PYHIN1: variants seen among roughly 807,000 people sequenced by gnomAD.
PYHIN1 encodes pyrin and HIN domain family member 1.
PYHIN1 carries 32 observed loss-of-function variants against 43.7 expected under a neutral mutation model. The ratio of observed to expected loss-of-function variants is 0.73; its 90% CI spans 0.55 to 0.98. PYHIN1 has a LOEUF of 0.98. Among genes scored for constraint, PYHIN1 ranks in the 50% least tolerant of loss-of-function variants. The probability of loss-of-function intolerance (pLI) is 0.00; values close to 1 mark genes in which losing one functional copy is unlikely to be tolerated. For missense variants in PYHIN1, 588 were observed against 589.5 expected (o/e 1.00, Z 0.03); for synonymous variants, 205 against 203.1 (o/e 1.01, Z -0.08).
intron 7 of PYHIN1, among the ~76,000 whole-genome samples, chr1:158,956,355 T>A (rs1649931350): frequency 6.6e-6 from 1 of 152,128 alleles, no homozygotes; most frequent in Non-Finnish European, 1.5e-5. Context: ...AAATCCTCAA[T>A]AAAATACTGG....
intron 7 of PYHIN1, among the ~76,000 whole-genome samples, chr1:158,968,189 CT>C (rs1307571639): frequency 6.6e-6 from 1 of 151,742 alleles, no homozygotes; most frequent in Non-Finnish European, 1.5e-5. Context: ...AAATTGCAAA[CT>C]TTGCATCCAA....
intron 7 of PYHIN1, among the ~76,000 whole-genome samples, chr1:158,952,672 G>C (rs1459950031): frequency 2.0e-5 from 3 of 152,188 alleles, no homozygotes; most frequent in South Asian, 2.1e-4. Context: ...TCTAACTAAA[G>C]CCCATAGCGT....
intron 7 of PYHIN1, among the ~76,000 whole-genome samples, chr1:158,966,863 G>T (rs1437098665): frequency 1.3e-5 from 2 of 152,028 alleles, no homozygotes; most frequent in Non-Finnish European, 2.9e-5. Context: ...CCCGGCCAGA[G>T]GAATCAGGCA....
downstream of PYHIN1, among the ~76,000 whole-genome samples, chr1:158,980,679 C>T (rs1401563874): frequency 6.6e-6 from 1 of 152,104 alleles, no homozygotes; most frequent in African/African-American, 2.4e-5. Context: ...CGGTTCTCTG[C>T]TCTCGAACCC....
chr1:158,977,282 G>C (rs1368091491), downstream of PYHIN1, among the ~76,000 whole-genome samples: 1 of 152,026 alleles, frequency 6.6e-6, no homozygotes, highest in East Asian at 1.9e-4. Flanking sequence ...ACTGTGTCCT[G>C]GGAAGGAGTT....
chr1:158,942,342 T>C lies in PYHIN1; in HGVS notation c.945T>C (p.Asn315=), dbSNP rs1019756748. The change falls in exon 5 of 9, where the codon AAT becomes AAC. Residue 315 remains asparagine, a synonymous_variant. Coordinates refer to ENST00000368140, the MANE Select transcript of PYHIN1 (RefSeq NM_152501.5). ...GAGCAAAGAAAATTCCGAAGATCAA[T>C]ATTCTTCACAAACAAACTTCAGGAT... is the stretch of plus-strand genomic sequence containing the variant. The part of the protein sequence containing the change: ...IRRAKKIPKI[N]ILHKQTSGYI... 1 of 1,612,364 alleles carries C rather than the reference T, an allele frequency of 6.2e-7. No individual in the cohort carries two copies. Among genetic ancestry groups the C allele is most frequent in the Non-Finnish European group, 8.5e-7 (1 of 1,179,492 alleles).
At chr1:158,969,485 G>A (rs1650817685) in intron 7 of PYHIN1, among the ~76,000 whole-genome samples, 4 of 151,968 alleles carry the variant, frequency 2.6e-5, no homozygotes, top group Admixed American at 2.6e-4. Flanking sequence ...ACCAGTTGAA[G>A]ACAGGACTCC....
At chr1:158,964,418 A>G (rs1288626499) in intron 7 of PYHIN1, among the ~76,000 whole-genome samples, 1 of 152,180 alleles carries the variant, frequency 6.6e-6, no homozygotes. Flanking sequence ...CCCAAGACAC[A>G]TAATCATAAG....
At position 158,953,010 on chromosome 1, in the gene PYHIN1, G is replaced by A. The variant is rs536400116; in HGVS notation, c.1359+7968G>A. 1.5e-3 allele frequency among the ~76,000 whole-genome samples: 233 copies of A among 152,292 alleles called. 1 individual carries two copies. The highest frequency in any genetic ancestry group is 2.9e-3 in the Non-Finnish European group (197 of 68,030). ...GGGTGATCGACGCACCTGGAAAATCGGGTCACTCCCACCCGAATATTGCGC... is the reference window on the plus strand; with the variant it reads ...GGGTGATCGACGCACCTGGAAAATCAGGTCACTCCCACCCGAATATTGCGC... On this transcript the variant is annotated intron_variant, in intron 7 of 8. Transcript: ENST00000368140.
At chr1:158,943,138 G>A (rs1649024035) in intron 5 of PYHIN1, among the ~76,000 whole-genome samples, 1 of 152,140 alleles carries the variant, frequency 6.6e-6, no homozygotes, top group Non-Finnish European at 1.5e-5. Context: ...ATGACTGACA[G>A]CTCATGATCT....
At chr1:158,973,270 T>G (rs1651041075) in intron 7 of PYHIN1, among the ~76,000 whole-genome samples, 1 of 151,990 alleles carries the variant, frequency 6.6e-6, no homozygotes, top group South Asian at 2.1e-4. Flanking sequence ...TTACCCAAAG[T>G]TCATATTTTC....
rs1039199379 is a variant in PYHIN1, at chr1:158,931,664, A to G, written c.-133A>G. 2.0e-5 allele frequency: 3 copies of G among 152,214 alleles called. No homozygotes were observed. Among genetic ancestry groups the G allele is most frequent in the Admixed American group, 6.5e-5 (1 of 15,276 alleles). 9.4% of individuals were successfully genotyped at this position (152,214 alleles called of 1,614,324 possible). A position where few individuals can be genotyped will look rare whatever the true frequency, so the allele number is the denominator to read the frequency against. Reference sequence around the variant, plus strand: ...ATTTCAGGAGATTATAACATCCTGTATTTCAGTTTCTGAGAGCTTTACTGA... The same window carrying G: ...ATTTCAGGAGATTATAACATCCTGTGTTTCAGTTTCTGAGAGCTTTACTGA... On this transcript the variant is annotated 5_prime_UTR_variant, in exon 1 of 9. Coordinates refer to ENST00000368140, the MANE Select transcript of PYHIN1 (RefSeq NM_152501.5).
intron 6 of PYHIN1, among the ~76,000 whole-genome samples, chr1:158,944,415 A>G (rs1181867975): frequency 6.6e-6 from 1 of 152,224 alleles, no homozygotes; most frequent in African/African-American, 2.4e-5. Context: ...GTACCTTGTG[A>G]CAAACCAGTA....
chr1:158,970,396 T>A (rs1650866444), intron 7 of PYHIN1, among the ~76,000 whole-genome samples: 1 of 151,936 alleles, frequency 6.6e-6, no homozygotes, highest in Non-Finnish European at 1.5e-5. Flanking sequence ...GAATAGTGTA[T>A]GTTGTACCCA....
chr1:158,982,495 T>C, the PYHIN1 span, among the ~76,000 whole-genome samples: 2 of 152,154 alleles, frequency 1.3e-5, no homozygotes, highest in African/African-American at 4.8e-5. Flanking sequence ...GTTCCATTGG[T>C]CTATGTATCT....
rs913874023 is a variant in PYHIN1 at position 158,937,119 on chromosome 1, A to G, written c.209A>G (p.Lys70Arg). The change falls in exon 2 of 9, where the codon AAA becomes AGA. Residue 70 changes from lysine (K) to arginine (R), a missense_variant. Physicochemically the swap from Lys to Arg is conservative, Grantham distance 26 (BLOSUM62 2). Coordinates refer to ENST00000368140, the MANE Select transcript of PYHIN1 (RefSeq NM_152501.5). ...TTGGGCAAACTAATAGAATTCTTCA[A>G]AGAAATACCAACACTGGGAGACCTT... Reference protein sequence around the residue: ...AGLGKLIEFFKEIPTLGDLAE... With the variant: ...AGLGKLIEFFREIPTLGDLAE... 1 of 1,611,874 alleles carries G rather than the reference A, an allele frequency of 6.2e-7. No homozygotes were observed. Among genetic ancestry groups the G allele is most frequent in the African/African-American group, 1.3e-5 (1 of 74,736 alleles).
chr1:158,972,482 A>T (rs148872944), intron 7 of PYHIN1, among the ~76,000 whole-genome samples: 2,319 of 152,128 alleles, frequency 0.015, 21 homozygotes, highest in Non-Finnish European at 0.023. Flanking sequence ...ATCATTCCTG[A>T]CCTAAAGACA....
chr1:158,973,534 C>CAT lies in PYHIN1; in HGVS notation c.1360-112_1360-111insTA, dbSNP rs1651062600. Reference sequence around the variant, plus strand: ...ACACACACACACACACACACACACACACATATACACACATGTATTACATCC... The same window carrying CAT: ...ACACACACACACACACACACACACACATACATATACACACATGTATTACATCC... On this transcript the variant is annotated intron_variant, in intron 7 of 8. Transcript: ENST00000368140. 13 of 1,018,446 alleles carry CAT rather than the reference C, an allele frequency of 1.3e-5. No homozygotes were observed. The East Asian group carries it at 3.3e-4, about 26-fold the overall frequency. 63.1% of individuals were successfully genotyped at this position (1,018,446 alleles called of 1,614,324 possible). A position where few individuals can be genotyped will look rare whatever the true frequency, so the allele number is the denominator to read the frequency against.
chr1:158,981,426 G>A (rs909381732), downstream of PYHIN1, among the ~76,000 whole-genome samples: 16 of 152,222 alleles, frequency 1.1e-4, no homozygotes, highest in East Asian at 3.1e-3. Flanking sequence ...AGCCAAGATT[G>A]TGCCATTGCA....
Sources: allele counts gnomAD v4.1 joint callset (sites outside exome capture counted in the v4.1 genomes callset), GRCh38; gene constraint gnomAD v4.1.1; transcripts MANE v1.5; gene names NCBI Gene and HGNC (gene_info 2026-07-23, HGNC 2026-07-21).